The following STRN3 variants were observed in gnomAD, a reference collection of about 807,000 sequenced individuals.
STRN3 encodes striatin-3.
In STRN3, 29 loss-of-function variants were observed where a neutral mutation model predicts 95.6. The observed-to-expected ratio is 0.30, with a 90% confidence interval of 0.23 to 0.41. STRN3 has a LOEUF of 0.41. Among genes scored for constraint, STRN3 ranks in the 10% least tolerant of loss-of-function variants. STRN3 has a pLI of 1.00. For missense variants in STRN3, 890 were observed against 972.1 expected, an observed-to-expected ratio of 0.92 and a Z score of 1.12; for synonymous variants, 331 against 357.6, an observed-to-expected ratio of 0.93 and a Z score of 0.84.
Position 31,025,934 on chromosome 14 carries a change from C to G in STRN3, c.252G>C (p.Ala84=), listed in dbSNP as rs200389186. ...HEWARFEMER[A]HWEVERAELQ... Reference sequence around the variant, plus strand: ...GTTCGGCCCGTTCCACCTCCCAGTGCGCCCGCTCCATCTCGAACCGAGCCC... The same window carrying G: ...GTTCGGCCCGTTCCACCTCCCAGTGGGCCCGCTCCATCTCGAACCGAGCCC... The change falls in exon 1 of 18, where the codon GCG becomes GCC. Residue 84 remains alanine, a synonymous_variant. Transcript: ENST00000357479. 601 of 1,600,634 alleles carry G rather than the reference C, an allele frequency of 3.8e-4. No individual in the cohort carries two copies. Among genetic ancestry groups the G allele is most frequent in the Non-Finnish European group, 4.7e-4 (549 of 1,174,052 alleles).
chr14:30,987,978 C>T (rs2139249684), intron 1 of STRN3, among the ~76,000 whole-genome samples: 1 of 152,230 alleles, frequency 6.6e-6, no homozygotes, highest in South Asian at 2.1e-4. Context: ...CCTTGTGAAT[C>T]GCCCGCCTAG....
intron 1 of STRN3, among the ~76,000 whole-genome samples, chr14:30,967,731 G>A (rs1015852025): frequency 3.3e-5 from 5 of 152,188 alleles, no homozygotes; most frequent in African/African-American, 1.2e-4. Flanking sequence ...CAAAAAGGTA[G>A]CTTACTAACT....
intron 1 of STRN3, among the ~76,000 whole-genome samples, chr14:30,983,795 G>GTAGT (rs1881526468): frequency 6.6e-6 from 1 of 152,154 alleles, no homozygotes; most frequent in African/African-American, 2.4e-5. Flanking sequence ...TTCAATAAAT[G>GTAGT]TAGTTATTAA....
At chr14:30,964,955 T>C (rs1273382581) in intron 1 of STRN3, among the ~76,000 whole-genome samples, 2 of 151,994 alleles carry the variant, frequency 1.3e-5, no homozygotes, top group African/African-American at 4.8e-5. Context: ...AGTCTTGGTC[T>C]TGGTGCTGTC....
rs771813580 is a variant in STRN3, at chr14:30,902,531, C to T, written c.2137+5G>A. The T allele has an allele frequency of 5.1e-6, 8 of 1,559,748 alleles. No individual in the cohort carries two copies. The highest frequency in any genetic ancestry group is 8.7e-7 in the Non-Finnish European group (1 of 1,145,760). Reference sequence around the variant, plus strand: ...ACTAATATGAAAAGAAGACAATTTGCTTACCCGTTTTATTGTCAAAAAATT... The same window carrying T: ...ACTAATATGAAAAGAAGACAATTTGTTTACCCGTTTTATTGTCAAAAAATT... On this transcript the variant is annotated splice_donor_5th_base_variant and intron_variant, in intron 16 of 17. Transcript: ENST00000357479.
At chr14:30,999,094 T>C (rs1882328509) in intron 1 of STRN3, among the ~76,000 whole-genome samples, 1 of 152,218 alleles carries the variant, frequency 6.6e-6, no homozygotes, top group Non-Finnish European at 1.5e-5. Context: ...AGGGTCTCAC[T>C]CTGTTGCCCA....
intron 1 of STRN3, among the ~76,000 whole-genome samples, chr14:30,957,421 C>T (rs1271835663): frequency 1.4e-5 from 2 of 147,312 alleles, no homozygotes; most frequent in South Asian, 2.2e-4. Context: ...CCACTGCACT[C>T]CAGCCTAGGC....
At chr14:30,915,808 A>AAC (rs1165966888) in intron 9 of STRN3, among the ~76,000 whole-genome samples, 4 of 152,220 alleles carry the variant, frequency 2.6e-5, no homozygotes, top group African/African-American at 4.8e-5. Flanking sequence ...ACTTTAACGT[A>AAC]ACAAATGATT....
intron 8 of STRN3, among the ~76,000 whole-genome samples, chr14:30,926,690 T>G (rs1273212704): frequency 6.6e-6 from 1 of 152,088 alleles, no homozygotes; most frequent in Non-Finnish European, 1.5e-5. Flanking sequence ...TTTATGATTA[T>G]ATAAGCAAAA....
chr14:30,903,628 G>A (rs539845669), intron 15 of STRN3, among the ~76,000 whole-genome samples: 1 of 152,290 alleles, frequency 6.6e-6, no homozygotes, highest in South Asian at 2.1e-4. Flanking sequence ...TCTACTCCTA[G>A]CCTCAAGCTA....
intron 5 of STRN3, among the ~76,000 whole-genome samples, chr14:30,943,430 T>A (rs1304015189): frequency 6.6e-6 from 1 of 152,006 alleles, no homozygotes; most frequent in Non-Finnish European, 1.5e-5. Flanking sequence ...TGAGGTCCTG[T>A]CTCTACAAAA....
chr14:30,955,630 G>A lies in STRN3; in HGVS notation c.450C>T (p.Thr150=). Residue 150 remains threonine (T), a synonymous_variant, in exon 3 of 18, where the codon ACC becomes ACT. Coordinates refer to ENST00000357479, the MANE Select transcript of STRN3 (RefSeq NM_001083893.2). ...ELNQGDLKMP[T]FESEETKDTE... Reference sequence around the variant, plus strand: ...AAGAAGCAAGTTTACCTGACTCAAAGGTTGGCATTTTCAAGTCACCTTGGT... The same window carrying A: ...AAGAAGCAAGTTTACCTGACTCAAAAGTTGGCATTTTCAAGTCACCTTGGT... 2.5e-6 allele frequency: 4 copies of A among 1,573,312 alleles called. No homozygotes were observed. Among genetic ancestry groups the A allele is most frequent in the Non-Finnish European group, 3.4e-6 (4 of 1,167,526 alleles).
intron 1 of STRN3, among the ~76,000 whole-genome samples, chr14:31,019,184 T>G (rs903815478): frequency 6.6e-6 from 1 of 152,174 alleles, no homozygotes; most frequent in Non-Finnish European, 1.5e-5. Flanking sequence ...AGCACGTGCC[T>G]ATAGTCCAAG....
Position 30,947,227 on chromosome 14 carries a change from T to C in STRN3, c.579A>G (p.Leu193=). 1.2e-6 allele frequency: 2 copies of C among 1,608,430 alleles called. No homozygotes were observed. The highest frequency in any genetic ancestry group is 1.1e-5 in the South Asian group (1 of 89,726). ...LQEVGYTDTI[L]DVRSQRVRSL... ...ACCTTACCCGCTGAGACCGTACATC[T>C]AATATTGTATCTGTATAACCTACTT... The change falls in exon 5 of 18, where the codon TTA becomes TTG. Residue 193 remains leucine, a synonymous_variant. Coordinates refer to ENST00000357479, the MANE Select transcript of STRN3 (RefSeq NM_001083893.2).
At chr14:30,945,872 T>C (rs1316608526) in intron 5 of STRN3, among the ~76,000 whole-genome samples, 1 of 152,106 alleles carries the variant, frequency 6.6e-6, no homozygotes. Flanking sequence ...GGCCACCTAA[T>C]GGGTATGGGG....
At chr14:30,963,714 C>T (rs1444977467) in intron 1 of STRN3, among the ~76,000 whole-genome samples, 1 of 152,038 alleles carries the variant, frequency 6.6e-6, no homozygotes, top group Admixed American at 6.6e-5. Context: ...TCAGACAAGT[C>T]TTAATAACTT....
intron 5 of STRN3, among the ~76,000 whole-genome samples, chr14:30,940,937 G>A (rs1879062357): frequency 6.6e-6 from 1 of 152,106 alleles, no homozygotes; most frequent in African/African-American, 2.4e-5. Flanking sequence ...TCCCCAATAT[G>A]ATGGTATTAA....
chr14:30,906,565 G>C (rs1896465654), intron 14 of STRN3, among the ~76,000 whole-genome samples: 1 of 152,038 alleles, frequency 6.6e-6, no homozygotes, highest in Admixed American at 6.5e-5. Context: ...GTCTTTGTGG[G>C]GTAGTCGTCT....
At chr14:31,002,052 G>C (rs1882477458) in intron 1 of STRN3, among the ~76,000 whole-genome samples, 1 of 151,522 alleles carries the variant, frequency 6.6e-6, no homozygotes, top group Non-Finnish European at 1.5e-5. Context: ...TGTAATCCTA[G>C]CTACTCGGGA....
Sources: allele counts gnomAD v4.1 joint callset (sites outside exome capture counted in the v4.1 genomes callset), GRCh38; gene constraint gnomAD v4.1.1; transcripts MANE v1.5; gene names NCBI Gene and HGNC (gene_info 2026-07-23, HGNC 2026-07-21).